Variants in PPP1R12B observed in about 807,000 individuals in gnomAD.
PPP1R12B encodes myosin phosphatase target subunit 2.
A neutral mutation model predicts 126.1 loss-of-function variants in PPP1R12B; 76 were observed. The observed-to-expected ratio is 0.60, with a 90% confidence interval of 0.50 to 0.73. The LOEUF (loss-of-function observed/expected upper bound fraction) is 0.73, where lower values mean the gene tolerates loss of function less well. Among genes scored for constraint, PPP1R12B ranks in the 30% least tolerant of loss-of-function variants. The pLI, the probability that PPP1R12B is intolerant of heterozygous loss-of-function variation, is 0.00. For synonymous variants in PPP1R12B, 356 were observed against 434.7 expected, an observed-to-expected ratio of 0.82 and a Z score of 2.25; for missense variants, 1,052 against 1,205.1, an observed-to-expected ratio of 0.87 and a Z score of 1.88.
Position 202,590,553 on chromosome 1 carries a change from C to T in PPP1R12B, c.*9993C>T. ...GCAGCTCCCACTCCCTCACCCCCAC[C>T]TCAGCGCAGCAAAAACAACCAGAGA... On this transcript the variant is annotated 3_prime_UTR_variant, in exon 24 of 24. Transcript: ENST00000608999. 6.6e-6 allele frequency: 1 copy of T among 152,038 alleles called. No individual in the cohort carries two copies. The highest frequency in any genetic ancestry group is 1.5e-5 in the Non-Finnish European group (1 of 68,072). The allele number at this position is 152,038 out of a possible 1,614,324, so 9.4% of individuals were successfully genotyped here.
chr1:202,434,887 A>G, intron 9 of PPP1R12B, 119 bp downstream of exon 9: 1 of 1,462,194 alleles, frequency 6.8e-7, no homozygotes, highest in Non-Finnish European at 9.0e-7. Context: ...TCCTGTCATA[A>G]TCTGCTCCCA....
chr1:202,436,268 A>AAACAACAAC (rs374800665), intron 9 of PPP1R12B, among the ~76,000 whole-genome samples: 2 of 151,472 alleles, frequency 1.3e-5, no homozygotes, highest in Non-Finnish European at 2.9e-5. Flanking sequence ...CGTGTCTCAA[A>AAACAACAAC]AACAACAACA....
rs564076086 is a variant in PPP1R12B, at chr1:202,396,052, C to T, written c.292-20735C>T. 9.2e-5 allele frequency among the ~76,000 whole-genome samples: 14 copies of T among 152,296 alleles called. No homozygotes were observed. The South Asian group carries it at 2.9e-3, about 32-fold the overall frequency. On this transcript the variant is annotated intron_variant, in intron 1 of 23. Transcript: ENST00000608999. ...CCTCACCCTTCTGAGCATTCTACTTCCTCCCTTTTTCTGAACAGTCGATAC... is the reference window on the plus strand; with the variant it reads ...CCTCACCCTTCTGAGCATTCTACTTTCTCCCTTTTTCTGAACAGTCGATAC...
intron 1 of PPP1R12B, among the ~76,000 whole-genome samples, chr1:202,404,282 A>G (rs1666269733): frequency 6.6e-6 from 1 of 152,044 alleles, no homozygotes; most frequent in Admixed American, 6.6e-5. Context: ...CAGTATGGCA[A>G]ATGAAGCCCT....
chr1:202,408,283 T>G (rs1278308053), intron 1 of PPP1R12B, among the ~76,000 whole-genome samples: 3 of 129,556 alleles, frequency 2.3e-5, no homozygotes, highest in Non-Finnish European at 5.3e-5. Flanking sequence ...CCAGAATACC[T>G]TCAGTAAAAT....
intron 1 of PPP1R12B, among the ~76,000 whole-genome samples, chr1:202,358,835 GAC>G (rs1450394243): frequency 6.6e-6 from 1 of 152,138 alleles, no homozygotes; most frequent in Non-Finnish European, 1.5e-5. Context: ...TAAATGTTAT[GAC>G]ACAGTGATAA....
At chr1:202,365,924 G>A (rs747256133) in intron 1 of PPP1R12B, among the ~76,000 whole-genome samples, 21 of 151,884 alleles carry the variant, frequency 1.4e-4, no homozygotes, top group Non-Finnish European at 1.9e-4. Flanking sequence ...TGGGAGTTTC[G>A]GGCTGCAATG....
chr1:202,486,457 A>G (rs1382075566), intron 13 of PPP1R12B, among the ~76,000 whole-genome samples: 2 of 152,218 alleles, frequency 1.3e-5, no homozygotes, highest in African/African-American at 4.8e-5. Context: ...AATTACCAAA[A>G]CAGAAAATTT....
At chr1:202,577,402 G>T (rs1202750055) in intron 23 of PPP1R12B, among the ~76,000 whole-genome samples, 2 of 152,270 alleles carry the variant, frequency 1.3e-5, no homozygotes. Context: ...GGGTGCTTTT[G>T]TGCTACAACA....
rs1666097630 is a variant in PPP1R12B at position 202,403,148 on chromosome 1, T to C, written c.292-13639T>C. Among the ~76,000 whole-genome samples, 2 of 152,036 alleles carry C rather than the reference T, an allele frequency of 1.3e-5. 1 individual carries two copies. Among genetic ancestry groups the C allele is most frequent in the South Asian group, 4.1e-4 (2 of 4,822 alleles). ...ATAAAGAAGGCTTGGTGTAACACAGTAGAGAGAGATGGGGCCTGGGGCACT... is the reference window on the plus strand; with the variant it reads ...ATAAAGAAGGCTTGGTGTAACACAGCAGAGAGAGATGGGGCCTGGGGCACT... On this transcript the variant is annotated intron_variant, in intron 1 of 23. Transcript: ENST00000608999.
intron 18 of PPP1R12B, among the ~76,000 whole-genome samples, chr1:202,497,114 T>C (rs1679657933): frequency 6.6e-6 from 1 of 152,240 alleles, no homozygotes; most frequent in African/African-American, 2.4e-5. Flanking sequence ...TTGGATTATA[T>C]GAAGTACTTT....
rs3767427 is a variant in PPP1R12B at position 202,419,516 on chromosome 1, T to C, written c.422+2599T>C. Among the ~76,000 whole-genome samples the C allele has an allele frequency of 0.42, 63,008 of 151,772 alleles. 15,153 individuals are homozygous for C. Among genetic ancestry groups the C allele is most frequent in the East Asian group, 0.7 (3,596 of 5,146 alleles). ...TAAAGAGGTTTTTAACTTTTTTTTT[T>C]CCTAGAACTGGAGAAAATGGAAAAA... On this transcript the variant is annotated intron_variant, in intron 2 of 23. Transcript: ENST00000608999. The surrounding 1 kb of genome is among the most constrained non-coding windows in gnomAD (Gnocchi z 4.6).
intron 18 of PPP1R12B, among the ~76,000 whole-genome samples, chr1:202,509,224 C>T (rs1289140360): frequency 6.6e-6 from 1 of 152,168 alleles, no homozygotes; most frequent in Non-Finnish European, 1.5e-5. Context: ...TTGTTATCAG[C>T]AACAGTTTGT....
intron 18 of PPP1R12B, among the ~76,000 whole-genome samples, chr1:202,500,588 A>T (rs1200510378): frequency 6.6e-6 from 1 of 152,194 alleles, no homozygotes; most frequent in Non-Finnish European, 1.5e-5. Context: ...AGTCTGGAAA[A>T]GGGAGATAGT....
rs543678969 is a variant in PPP1R12B at position 202,520,559 on chromosome 1, C to T, written c.2490+23737C>T. ...TCATCTTCCTTCCATTTCTGATTTC[C>T]TAGTACATCTATTATTTATTTCAAT... On this transcript the variant is annotated intron_variant, in intron 18 of 23. Transcript: ENST00000608999. Among the ~76,000 whole-genome samples, 3 of 152,246 alleles carry T rather than the reference C, an allele frequency of 2.0e-5. No homozygotes were observed. The East Asian group carries it at 5.8e-4, about 29-fold the overall frequency.
At chr1:202,425,514 A>C (rs1452651886) in intron 3 of PPP1R12B, 52 bp from the exon 4 acceptor site, 1 of 1,574,000 alleles carries the variant, frequency 6.4e-7, no homozygotes, top group East Asian at 2.2e-5. Flanking sequence ...TATCCTGTCA[A>C]ACTTAAGTGG....
intron 1 of PPP1R12B, among the ~76,000 whole-genome samples, chr1:202,394,061 G>A (rs1390086003): frequency 2.6e-5 from 4 of 152,150 alleles, no homozygotes; most frequent in African/African-American, 2.4e-5. Flanking sequence ...GAAGATGGCC[G>A]GGTGTGGTGG....
intron 18 of PPP1R12B, among the ~76,000 whole-genome samples, chr1:202,515,653 T>C (rs1682057351): frequency 1.3e-5 from 2 of 152,124 alleles, no homozygotes; most frequent in South Asian, 4.1e-4. Flanking sequence ...AGCCTCTACC[T>C]CCTAGGCTCA....
intron 18 of PPP1R12B, chr1:202,527,396 C>G (rs1036947041): frequency 2.0e-5 from 3 of 152,166 alleles, no homozygotes; most frequent in African/African-American, 7.2e-5. Context: ...AGCTGCTGCA[C>G]ACTGAGCCCC....
Sources: allele counts gnomAD v4.1 joint callset (sites outside exome capture counted in the v4.1 genomes callset), GRCh38; gene constraint gnomAD v4.1.1; non-coding constraint Gnocchi (gnomAD v3.1); transcripts MANE v1.5; gene names NCBI Gene and HGNC (gene_info 2026-07-23, HGNC 2026-07-21).